Variants in CTSH observed in about 807,000 individuals in gnomAD.
CTSH encodes the protein pro-cathepsin H.
CTSH carries 52 observed loss-of-function variants against 56.3 expected under a neutral mutation model. The ratio of observed to expected loss-of-function variants is 0.92; its 90% confidence interval spans 0.74 to 1.16. CTSH has a LOEUF of 1.16. Ranked by LOEUF, CTSH falls within the 50% of genes most tolerant of loss-of-function variation. CTSH has a pLI of 0.00. For synonymous variants in CTSH, 174 were observed against 155.7 expected, an observed-to-expected ratio of 1.12 and a Z score of -0.88; for missense variants, 406 against 424.5, an observed-to-expected ratio of 0.96 and a Z score of 0.38.
rs1391479347 is a variant in CTSH, at chr15:78,939,183, A to C, written c.92-12T>G. 3.2e-6 allele frequency: 5 copies of C among 1,586,420 alleles called. No individual in the cohort carries two copies. In the African/African-American group the frequency reaches 6.8e-5, roughly 22 times the overall value. Reference sequence around the variant, plus strand: ...GAAGTGAAACTTCTCTGTAAAAAGAAAAAAAAAATTAGGTCTGGGCGCATC... The same window carrying C: ...GAAGTGAAACTTCTCTGTAAAAAGACAAAAAAAATTAGGTCTGGGCGCATC... On this transcript the variant is annotated splice_polypyrimidine_tract_variant and intron_variant, in intron 1 of 11. Transcript: ENST00000220166.
At position 78,922,016 on chromosome 15, in the gene CTSH, T is replaced by A. The variant is rs1428638039; in HGVS notation, c.*114A>T. ...GCTGGGCACAGAGGTGAGGGCAGAA[T>A]GTTGGGGGTCCCAGTGGATCTCCCC... is the stretch of plus-strand genomic sequence containing the variant. On this transcript the variant is annotated 3_prime_UTR_variant, in exon 12 of 12. Coordinates refer to ENST00000220166, the MANE Select transcript of CTSH (RefSeq NM_004390.5). The A allele has an allele frequency of 1.1e-6, 1 of 944,248 alleles. No individual in the cohort carries two copies. Among genetic ancestry groups the A allele is most frequent in the Admixed American group, 2.1e-5 (1 of 46,864 alleles). The allele number at this position is 944,248 out of a possible 1,614,324, so 58.5% of individuals were successfully genotyped here.
At chr15:78,923,178 C>G in intron 10 of CTSH, 60 bp from the exon 11 acceptor site, 1 of 1,594,192 alleles carries the variant, frequency 6.3e-7, no homozygotes, top group Non-Finnish European at 8.6e-7. Context: ...AATGACAGTC[C>G]CATCCAACAA....
intron 1 of CTSH, among the ~76,000 whole-genome samples, chr15:78,939,389 T>C (rs1317940670): frequency 2.0e-5 from 3 of 152,224 alleles, no homozygotes; most frequent in Admixed American, 1.3e-4. Context: ...TATTAGTCAA[T>C]GGTGTTGAAA....
chr15:78,929,513 G>GTC lies in CTSH; in HGVS notation c.549-21_549-20insGA. On this transcript the variant is annotated intron_variant, in intron 7 of 11. Coordinates refer to ENST00000220166, the MANE Select transcript of CTSH (RefSeq NM_004390.5). ...AGACCCCTGCAAGAAGTACACACAGGTGAGCCCACCTGGGGCTGTCCTGAT... is the reference window on the plus strand; with the variant it reads ...AGACCCCTGCAAGAAGTACACACAGGTCTGAGCCCACCTGGGGCTGTCCTGAT... The GTC allele has an allele frequency of 6.3e-7, 1 of 1,590,714 alleles. No individual in the cohort carries two copies. Among genetic ancestry groups the GTC allele is most frequent in the Non-Finnish European group, 8.6e-7 (1 of 1,163,288 alleles).
chr15:78,941,062 G>A (rs941476396), intron 1 of CTSH, among the ~76,000 whole-genome samples: 4 of 152,040 alleles, frequency 2.6e-5, no homozygotes, highest in Non-Finnish European at 5.9e-5. Flanking sequence ...TTATCCTAAG[G>A]GAACATACAT....
At chr15:78,940,399 C>A (rs1417358043) in intron 1 of CTSH, among the ~76,000 whole-genome samples, 1 of 151,916 alleles carries the variant, frequency 6.6e-6, no homozygotes, top group East Asian at 1.9e-4. Flanking sequence ...GTCTGGGCAA[C>A]AAAGTGAGAC....
At chr15:78,927,994 A>G (rs2054950395) in intron 8 of CTSH, among the ~76,000 whole-genome samples, 1 of 152,192 alleles carries the variant, frequency 6.6e-6, no homozygotes, top group Admixed American at 6.5e-5. Flanking sequence ...GTGGGCACAC[A>G]TGGTGTGTGG....
At chr15:78,944,201 G>A (rs1239180485) in intron 1 of CTSH, among the ~76,000 whole-genome samples, 4 of 152,210 alleles carry the variant, frequency 2.6e-5, no homozygotes, top group African/African-American at 9.7e-5. Flanking sequence ...AAGGAGGGAG[G>A]CAGTAGGGAA....
rs186430878 is a variant in CTSH at position 78,941,602 on chromosome 15, C to T, written c.92-2431G>A. On this transcript the variant is annotated intron_variant, in intron 1 of 11. Coordinates refer to ENST00000220166, the MANE Select transcript of CTSH (RefSeq NM_004390.5). ...GTTCAGAAGATCGAGACCATCCTGG[C>T]TAACACGGTGAAACCCCAACTCTAC... 7.9e-5 allele frequency among the ~76,000 whole-genome samples: 12 copies of T among 152,006 alleles called. No individual in the cohort carries two copies. The East Asian group carries it at 2.1e-3, about 27-fold the overall frequency.
At chr15:78,937,096 T>C in intron 3 of CTSH, 2 of 545,258 alleles carry the variant, frequency 3.7e-6, no homozygotes, top group South Asian at 2.1e-5. Flanking sequence ...ACAGAGTCTC[T>C]TGTAAACTTC....
At chr15:78,929,563 C>CAA in intron 7 of CTSH, 70 bp from the exon 8 acceptor site, 2 of 1,099,316 alleles carry the variant, frequency 1.8e-6, no homozygotes, top group South Asian at 2.9e-5. Flanking sequence ...CGGGGACTGG[C>CAA]GTGGCGAGAT....
chr15:78,932,862 GCTC>G (rs1284464683), intron 5 of CTSH, among the ~76,000 whole-genome samples: 1 of 152,024 alleles, frequency 6.6e-6, no homozygotes, highest in Non-Finnish European at 1.5e-5. Flanking sequence ...ATCTTCACTG[GCTC>G]CTCTTTTCCC....
In CTSH at chr15:78,937,894, C is replaced by T. The variant is rs1226297519; in HGVS notation, c.124-471G>A. The T allele has an allele frequency of 1.8e-5, 17 of 960,612 alleles. No homozygotes were observed. The East Asian group carries it at 3.8e-4, about 21-fold the overall frequency. 59.5% of individuals were successfully genotyped at this position (960,612 alleles called of 1,614,324 possible). A position where few individuals can be genotyped will look rare whatever the true frequency, so the allele number is the denominator to read the frequency against. The stretch of plus-strand genomic sequence containing the variant: ...ACTTTTTTTGGTAAATGTAATATTT[C>T]GATACATTCATATAATGTGTAATAA... On this transcript the variant is annotated intron_variant, in intron 2 of 11. Coordinates refer to ENST00000220166, the MANE Select transcript of CTSH (RefSeq NM_004390.5).
At chr15:78,927,545 C>T (rs1006974067) in intron 9 of CTSH, 168 bp downstream of exon 9, 4 of 619,568 alleles carry the variant, frequency 6.5e-6, no homozygotes, top group South Asian at 2.0e-5. Context: ...CCTCCCATCT[C>T]CTGCCTCGCC....
At chr15:78,938,663 T>C (rs78813423) in intron 2 of CTSH, among the ~76,000 whole-genome samples, 15,451 of 152,276 alleles carry the variant, frequency 0.1, 853 homozygotes, top group East Asian at 0.26. Context: ...TACCCATTGA[T>C]AGGCACTTAG....
chr15:78,942,214 T>A (rs1452823201), intron 1 of CTSH, among the ~76,000 whole-genome samples: 2 of 131,854 alleles, frequency 1.5e-5, no homozygotes, highest in South Asian at 4.6e-4. Context: ...TTTCTTTCCT[T>A]CTTTTTTTTT....
chr15:78,932,240 CA>C (rs2055077118), intron 6 of CTSH, 131 bp downstream of exon 6: 2 of 870,980 alleles, frequency 2.3e-6, no homozygotes, highest in Admixed American at 5.3e-5. Context: ...CAGATGTCCA[CA>C]AGGCTGGGGC....
chr15:78,943,083 A>G lies in CTSH; in HGVS notation c.91+1808T>C, dbSNP rs2055328442. On this transcript the variant is annotated intron_variant, in intron 1 of 11. Coordinates refer to ENST00000220166, the MANE Select transcript of CTSH (RefSeq NM_004390.5). ...TGGAGGCAGGGTTTGAGTTTAGGAC[A>G]ATTGACTACCAGTTTGCCTCTGGAG... 3.3e-5 allele frequency among the ~76,000 whole-genome samples: 5 copies of G among 152,212 alleles called. No individual in the cohort carries two copies. The South Asian group carries it at 1.0e-3, about 32-fold the overall frequency.
Position 78,944,963 on chromosome 15 carries a change from G to C in CTSH, c.19C>G (p.Leu7Val), listed in dbSNP as rs776423873. MWATLPLLCAGAWLLGV... is the reference protein window; with the variant it reads MWATLPVLCAGAWLLGV... ...AGGAGCCAGGCCCCGGCGCAGAGCAGCGGCAGCGTGGCCCACATCGCAGCG... is the reference window on the plus strand; with the variant it reads ...AGGAGCCAGGCCCCGGCGCAGAGCACCGGCAGCGTGGCCCACATCGCAGCG... Residue 7 changes from leucine to valine, a missense_variant, in exon 1 of 12, where the codon CTG (leucine) becomes GTG (valine). Coordinates refer to ENST00000220166, the MANE Select transcript of CTSH (RefSeq NM_004390.5). 1.9e-6 allele frequency: 3 copies of C among 1,545,300 alleles called. No individual in the cohort carries two copies. Among genetic ancestry groups the C allele is most frequent in the Non-Finnish European group, 2.6e-6 (3 of 1,145,300 alleles).
Sources: gnomAD v4.1 joint callset for allele counts (sites outside exome capture counted in the v4.1 genomes callset) on GRCh38, gnomAD v4.1.1 for gene constraint, MANE v1.5 for transcripts, NCBI Gene and HGNC (gene_info 2026-07-23, HGNC 2026-07-21) for gene names.